Variants in HS3ST4 observed in about 807,000 individuals in gnomAD.
HS3ST4 encodes the protein heparan sulfate-glucosamine 3-sulfotransferase 4.
In HS3ST4, 17 loss-of-function variants were observed where a neutral mutation model predicts 29.2. That is an observed-to-expected ratio of 0.58 (90% CI 0.40 to 0.87). HS3ST4 has a LOEUF of 0.87. Ranked by LOEUF, HS3ST4 falls within the 40% of genes least tolerant of loss-of-function variation. HS3ST4 has a pLI of 0.00. For synonymous variants in HS3ST4, 314 were observed against 285.7 expected (o/e 1.10, Z -1.00); for missense variants, 627 against 634.5 (o/e 0.99, Z 0.13).
chr16:25,882,613 C>CT (rs2141664706), intron 1 of HS3ST4, among the ~76,000 whole-genome samples: 1 of 152,246 alleles, frequency 6.6e-6, no homozygotes, highest in South Asian at 2.1e-4. Context: ...TCTACTGAAA[C>CT]TATCATCACT....
In HS3ST4 at chr16:25,754,612, C is replaced by G. The variant is rs77998931; in HGVS notation, c.734+61461C>G. Among the ~76,000 whole-genome samples the G allele has an allele frequency of 3.0e-3, 459 of 152,204 alleles. 3 individuals are homozygous for G. The highest frequency in any genetic ancestry group is 0.011 in the African/African-American group (438 of 41,522). ...GGGAAGTCTCAGGAAACTTAACAAT[C>G]ATGGCAAAAAGCACTTCTTCATAGG... is the stretch of plus-strand genomic sequence containing the variant. On this transcript the variant is annotated intron_variant, in intron 1 of 1. Transcript: ENST00000331351.
chr16:25,949,078 T>A (rs578166113), intron 1 of HS3ST4, among the ~76,000 whole-genome samples: 31 of 152,136 alleles, frequency 2.0e-4, no homozygotes, highest in African/African-American at 7.5e-4. Flanking sequence ...ATTTTTAGTT[T>A]TCGTGGGTAC....
intron 1 of HS3ST4, among the ~76,000 whole-genome samples, chr16:26,061,590 C>T (rs539532291): frequency 1.3e-5 from 2 of 152,302 alleles, no homozygotes; most frequent in East Asian, 3.9e-4. Context: ...TAATGTAGGA[C>T]TTTTGTTGGA....
At chr16:25,731,238 C>T (rs1021278386) in intron 1 of HS3ST4, among the ~76,000 whole-genome samples, 1 of 152,198 alleles carries the variant, frequency 6.6e-6, no homozygotes, top group Non-Finnish European at 1.5e-5. Context: ...TGTCATGGCC[C>T]AGGGCCCTAC....
intron 1 of HS3ST4, among the ~76,000 whole-genome samples, chr16:26,097,479 G>A (rs1267551600): frequency 1.8e-4 from 27 of 152,190 alleles, no homozygotes; most frequent in Admixed American, 1.8e-3. Flanking sequence ...ACAAGAAATA[G>A]GAAAAGGATT....
intron 1 of HS3ST4, among the ~76,000 whole-genome samples, chr16:25,991,898 G>A (rs181723005): frequency 6.6e-6 from 1 of 150,906 alleles, no homozygotes; most frequent in African/African-American, 2.4e-5. Context: ...GTGGGTGCCT[G>A]TAGTCCCAGC....
At chr16:25,886,486 T>G (rs1362245624) in intron 1 of HS3ST4, among the ~76,000 whole-genome samples, 1 of 152,194 alleles carries the variant, frequency 6.6e-6, no homozygotes, top group Non-Finnish European at 1.5e-5. Context: ...TCTGGCCAAG[T>G]TATCATCAGT....
At position 25,861,985 on chromosome 16, in the gene HS3ST4, G is replaced by T. The variant is rs148408581; in HGVS notation, c.734+168834G>T. On this transcript the variant is annotated intron_variant, in intron 1 of 1. Coordinates refer to ENST00000331351, the MANE Select transcript of HS3ST4 (RefSeq NM_006040.3). ...CCCAACCATTTTGGCACTAGGGATGGGTTTCTCTTGTGGAAGACAGTTTTT... is the reference window on the plus strand; with the variant it reads ...CCCAACCATTTTGGCACTAGGGATGTGTTTCTCTTGTGGAAGACAGTTTTT... 2.1e-3 allele frequency among the ~76,000 whole-genome samples: 325 copies of T among 152,132 alleles called. 3 individuals carry two copies. Among genetic ancestry groups the T allele is most frequent in the African/African-American group, 7.7e-3 (319 of 41,508 alleles).
At chr16:25,845,647 GTAATAATAATAATAA>G (rs60639924) in intron 1 of HS3ST4, among the ~76,000 whole-genome samples, 18 of 143,330 alleles carry the variant, frequency 1.3e-4, no homozygotes, top group African/African-American at 3.1e-4. Flanking sequence ...GGAATAGCAT[GTAATAATAATAATAA>G]TAATAATAAT....
chr16:25,698,903 T>G (rs1966316788), intron 1 of HS3ST4, among the ~76,000 whole-genome samples: 1 of 152,238 alleles, frequency 6.6e-6, no homozygotes, highest in South Asian at 2.1e-4. Context: ...TGCCTGCCTG[T>G]GCTCTGGCTG....
chr16:26,107,763 G>A (rs1899076466), intron 1 of HS3ST4, among the ~76,000 whole-genome samples: 1 of 152,150 alleles, frequency 6.6e-6, no homozygotes, highest in Non-Finnish European at 1.5e-5. Flanking sequence ...TGGTGTATAG[G>A]TACCACATTT....
At chr16:26,090,419 A>G (rs1359090234) in intron 1 of HS3ST4, among the ~76,000 whole-genome samples, 1 of 152,050 alleles carries the variant, frequency 6.6e-6, no homozygotes, top group Non-Finnish European at 1.5e-5. Context: ...GACGTTGAGG[A>G]TGATTCTATA....
intron 1 of HS3ST4, among the ~76,000 whole-genome samples, chr16:25,869,552 TC>T (rs1482460818): frequency 9.2e-5 from 14 of 152,130 alleles, no homozygotes; most frequent in Non-Finnish European, 2.1e-4. Flanking sequence ...GATCAGGAGT[TC>T]AGTTGCTTAC....
chr16:25,882,618 A>G (rs1967905455), intron 1 of HS3ST4, among the ~76,000 whole-genome samples: 1 of 152,156 alleles, frequency 6.6e-6, no homozygotes, highest in Admixed American at 6.6e-5. Context: ...TGAAACTATC[A>G]TCACTGAGGC....
intron 1 of HS3ST4, among the ~76,000 whole-genome samples, chr16:25,877,558 C>T (rs11859695): frequency 0.38 from 57,650 of 151,974 alleles, 11,927 homozygotes; most frequent in African/African-American, 0.53. Flanking sequence ...GAGATTGGCA[C>T]GATGTACCTG....
Position 25,691,979 on chromosome 16 carries a change from C to G in HS3ST4, c.-439C>G, listed in dbSNP as rs1014693436. On this transcript the variant is annotated 5_prime_UTR_variant, in exon 1 of 2. Coordinates refer to ENST00000331351, the MANE Select transcript of HS3ST4 (RefSeq NM_006040.3). ...TCCTCCTCCCCTCCGCGCCTCTCCT[C>G]TCTCCCGGCAGAAAGTTAGCAGCGG... 6.6e-6 allele frequency: 1 copy of G among 151,406 alleles called. No individual in the cohort carries two copies. Among genetic ancestry groups the G allele is most frequent in the Non-Finnish European group, 1.5e-5 (1 of 67,822 alleles). 9.4% of individuals were successfully genotyped at this position (151,406 alleles called of 1,614,324 possible).
chr16:25,717,765 T>C (rs1326694776), intron 1 of HS3ST4, among the ~76,000 whole-genome samples: 1 of 152,022 alleles, frequency 6.6e-6, no homozygotes, highest in Non-Finnish European at 1.5e-5. Flanking sequence ...TGGAGAACTG[T>C]TTAATGGTTT....
At chr16:25,799,846 A>G (rs1966914176) in intron 1 of HS3ST4, among the ~76,000 whole-genome samples, 1 of 152,074 alleles carries the variant, frequency 6.6e-6, no homozygotes, top group Non-Finnish European at 1.5e-5. Flanking sequence ...CCATCTATCT[A>G]TCTATCCATT....
intron 1 of HS3ST4, among the ~76,000 whole-genome samples, chr16:25,748,793 T>C (rs974034458): frequency 6.6e-6 from 1 of 152,212 alleles, no homozygotes; most frequent in African/African-American, 2.4e-5. Context: ...TGCCATTAGA[T>C]TGGTAGGAAT....
Sources: gnomAD v4.1 joint callset for allele counts (sites outside exome capture counted in the v4.1 genomes callset) on GRCh38, gnomAD v4.1.1 for gene constraint, MANE v1.5 for transcripts, NCBI Gene and HGNC (gene_info 2026-07-23, HGNC 2026-07-21) for gene names.